Variants in NCOA6 observed in about 807,000 individuals in gnomAD.
NCOA6 encodes the protein nuclear receptor coactivator 6.
Under a neutral mutation model 171.4 loss-of-function variants are expected in NCOA6, and 49 were observed. That is an observed-to-expected ratio of 0.29 (90% CI 0.23 to 0.36). NCOA6 has a LOEUF of 0.36. Among genes scored for constraint, NCOA6 ranks in the 10% least tolerant of loss-of-function variants. NCOA6 has a pLI of 1.00. For missense variants in NCOA6, 2,248 were observed against 2,554.5 expected (o/e 0.88, Z 2.59); for synonymous variants, 910 against 927.5 (o/e 0.98, Z 0.34).
intron 11 of NCOA6, chr20:34,738,927 T>C (rs1186817023): frequency 2.2e-6 from 1 of 455,940 alleles, no homozygotes. Context: ...ACTCGAAGCA[T>C]TTTAGCTGCA....
chr20:34,796,565 C>A (rs893623747), intron 1 of NCOA6, among the ~76,000 whole-genome samples: 1 of 152,024 alleles, frequency 6.6e-6, no homozygotes, highest in Non-Finnish European at 1.5e-5. Context: ...GAGATTACAG[C>A]GAGCTGTGAT....
At chr20:34,744,971 G>A (rs2076260329) in intron 10 of NCOA6, among the ~76,000 whole-genome samples, 1 of 152,210 alleles carries the variant, frequency 6.6e-6, no homozygotes, top group East Asian at 1.9e-4. Flanking sequence ...TAAGGGCATG[G>A]CTGCTACAGA....
intron 3 of NCOA6, among the ~76,000 whole-genome samples, chr20:34,778,958 CAAAAAAAAAAAAAA>C (rs57631874): frequency 2.8e-4 from 13 of 46,506 alleles, no homozygotes; most frequent in South Asian, 1.5e-3. Flanking sequence ...GACTCCGTTT[CAAAAAAAAAAAAAA>C]AAAAAAAAAA....
In NCOA6 at chr20:34,749,704, G is replaced by T. The variant is rs370085284; in HGVS notation, c.2491C>A (p.Pro831Thr). The T allele has an allele frequency of 1.9e-5, 30 of 1,614,202 alleles. No homozygotes were observed. The highest frequency in any genetic ancestry group is 4.4e-5 in the South Asian group (4 of 91,084). Residue 831 changes from proline to threonine, a missense_variant, in exon 9 of 15, where the codon CCT (proline) becomes ACT (threonine). Transcript: ENST00000359003. ...TTTCCCTGCATGGCCTGCACATGAG[G>T]GGGGACCATGTTGGTTTGTTGAATG... ...VSIQQTNMVP[P>T]HVQAMQGNSA...
chr20:34,757,148 C>A, intron 7 of NCOA6, 72 bp downstream of exon 7: 1 of 1,440,136 alleles, frequency 6.9e-7, no homozygotes, highest in South Asian at 1.4e-5. Context: ...TCCATTAACT[C>A]TAAAAACTGA....
At chr20:34,727,988 G>C (rs1600746953) in intron 13 of NCOA6, among the ~76,000 whole-genome samples, 1 of 151,926 alleles carries the variant, frequency 6.6e-6, no homozygotes, top group South Asian at 2.1e-4. Context: ...GCCTCCCAAA[G>C]TGCTGGGATT....
chr20:34,737,380 T>C (rs1310282812), intron 11 of NCOA6, among the ~76,000 whole-genome samples: 3 of 152,258 alleles, frequency 2.0e-5, no homozygotes, highest in Non-Finnish European at 4.4e-5. Flanking sequence ...GACCAAACTA[T>C]ATCCTCTTGC....
chr20:34,805,469 C>T (rs1289133951), intron 1 of NCOA6, among the ~76,000 whole-genome samples: 1 of 152,158 alleles, frequency 6.6e-6, no homozygotes, highest in Non-Finnish European at 1.5e-5. Flanking sequence ...ATGCATGTTG[C>T]TACAAATGAC....
intron 10 of NCOA6, among the ~76,000 whole-genome samples, chr20:34,744,159 C>T (rs1029745191): frequency 4.6e-5 from 7 of 152,138 alleles, no homozygotes; most frequent in African/African-American, 1.7e-4. Context: ...GAAATATTTT[C>T]CATGAATCCA....
At chr20:34,788,712 G>A (rs552766738) in intron 2 of NCOA6, among the ~76,000 whole-genome samples, 2 of 152,168 alleles carry the variant, frequency 1.3e-5, no homozygotes. Flanking sequence ...TTGAGAGGCC[G>A]AAGCAGGCGG....
Position 34,715,239 on chromosome 20 carries a change from T to C in NCOA6, c.*83A>G, listed in dbSNP as rs1011777644. On this transcript the variant is annotated 3_prime_UTR_variant, in exon 15 of 15. Transcript: ENST00000359003. ...ATTAAAATTACTAACTGTACAGAAA[T>C]TGATTTAAAAAAGTCACAGCTCAAA... The C allele has an allele frequency of 1.1e-4, 168 of 1,575,810 alleles. 1 individual carries two copies. The highest frequency in any genetic ancestry group is 7.9e-5 in the Non-Finnish European group (91 of 1,147,204).
chr20:34,776,670 C>G, intron 3 of NCOA6: 1 of 654,662 alleles, frequency 1.5e-6, no homozygotes, highest in Non-Finnish European at 2.7e-6. Context: ...TGAAACTTAT[C>G]TTTTTCTTTT....
intron 12 of NCOA6, among the ~76,000 whole-genome samples, chr20:34,735,113 G>A (rs1432150004): frequency 6.6e-6 from 1 of 152,158 alleles, no homozygotes; most frequent in Non-Finnish European, 1.5e-5. Flanking sequence ...CCAAATGGAA[G>A]AGGATTCTTC....
At chr20:34,750,837 C>T (rs2076454150) in intron 8 of NCOA6, among the ~76,000 whole-genome samples, 1 of 152,090 alleles carries the variant, frequency 6.6e-6, no homozygotes, top group Non-Finnish European at 1.5e-5. Flanking sequence ...AGAAAGGCAG[C>T]ATCTCACTGT....
chr20:34,748,213 T>G (rs2076362002), intron 9 of NCOA6, among the ~76,000 whole-genome samples: 2 of 152,216 alleles, frequency 1.3e-5, no homozygotes, highest in African/African-American at 4.8e-5. Flanking sequence ...ATTAAATAAT[T>G]ATTCCCATAG....
At chr20:34,799,858 A>G (rs889258147) in intron 1 of NCOA6, among the ~76,000 whole-genome samples, 3 of 152,224 alleles carry the variant, frequency 2.0e-5, no homozygotes, top group African/African-American at 7.2e-5. Flanking sequence ...GAATTCTTCA[A>G]TCTGAAAGCA....
At chr20:34,819,736 A>G (rs2078948256) in intron 1 of NCOA6, 1 of 152,222 alleles carries the variant, frequency 6.6e-6, no homozygotes, top group Non-Finnish European at 1.5e-5. Context: ...AGTACAGCTA[A>G]TATTTATTGA....
At position 34,727,299 on chromosome 20, in the gene NCOA6, T is replaced by C. The variant is rs1053869835; in HGVS notation, c.6108A>G (p.Lys2036=). 4 of 1,614,092 alleles carry C rather than the reference T, an allele frequency of 2.5e-6. No individual in the cohort carries two copies. Among genetic ancestry groups the C allele is most frequent in the Middle Eastern group, 1.6e-4 (1 of 6,078 alleles). ...ASESVENGHR[K]RSSRPASASS... is the part of the protein sequence containing the mutation. ...AGGCTGAAGCAGGTCGAGAAGATCG[T>C]TTACGATGTCCATTTTCCACACTTT... Residue 2036 remains lysine, a synonymous_variant, in exon 14 of 15, where the codon AAA becomes AAG. Transcript: ENST00000359003.
chr20:34,797,512 A>G (rs1055342460), intron 1 of NCOA6, among the ~76,000 whole-genome samples: 3 of 152,048 alleles, frequency 2.0e-5, no homozygotes, highest in African/African-American at 7.2e-5. Context: ...TGAGACTGAG[A>G]CATGCTGTCT....
Sources: gnomAD v4.1 joint callset for allele counts (sites outside exome capture counted in the v4.1 genomes callset) on GRCh38, gnomAD v4.1.1 for gene constraint, MANE v1.5 for transcripts, NCBI Gene and HGNC (gene_info 2026-07-23, HGNC 2026-07-21) for gene names.